Variants in PRKCB observed in about 807,000 individuals in gnomAD.
The protein encoded by PRKCB is protein kinase C beta.
In PRKCB, 13 loss-of-function variants were observed where a neutral mutation model predicts 81.5. That is an observed-to-expected ratio of 0.16 (90% CI 0.10 to 0.25). The LOEUF (loss-of-function observed/expected upper bound fraction) is 0.25. PRKCB is among the 10% of genes least tolerant of loss of function. The pLI is 1.00. For missense variants in PRKCB, 509 were observed against 875.7 expected (o/e 0.58, Z 5.29); for synonymous variants, 335 against 321.4 (o/e 1.04, Z -0.45).
chr16:23,991,871 A>G (rs1201414531), intron 3 of PRKCB, among the ~76,000 whole-genome samples: 4 of 152,210 alleles, frequency 2.6e-5, no homozygotes, highest in Admixed American at 2.6e-4. Context: ...AGAATGGGTT[A>G]TGCTGATTGG....
At chr16:24,113,795 T>G (rs1966706788) in intron 8 of PRKCB, among the ~76,000 whole-genome samples, 2 of 152,128 alleles carry the variant, frequency 1.3e-5, no homozygotes, top group African/African-American at 2.4e-5. Flanking sequence ...TTAAATGCCC[T>G]TGCCTTATGA....
In PRKCB at chr16:23,870,073, C is replaced by G. The variant is rs191172090; in HGVS notation, c.205+32667C>G. Among the ~76,000 whole-genome samples, 69 of 151,382 alleles carry G rather than the reference C, an allele frequency of 4.6e-4. 1 individual carries two copies. The East Asian group carries it at 9.9e-3, about 22-fold the overall frequency. On this transcript the variant is annotated intron_variant, in intron 2 of 16. Coordinates refer to ENST00000643927, the MANE Select transcript of PRKCB (RefSeq NM_002738.7). ...AATATTATGAAGTTCTAGCTAGGTA[C>G]TGTTGGCAGACAAGAATCTGATTTT...
At position 24,161,854 on chromosome 16, in the gene PRKCB, G is replaced by A. The variant is rs533786477; in HGVS notation, c.1239+6997G>A. Among the ~76,000 whole-genome samples the A allele has an allele frequency of 8.5e-5, 13 of 152,292 alleles. No individual in the cohort carries two copies. In the South Asian group the frequency reaches 2.7e-3, roughly 32 times the overall value. ...TAGAGCTGGACTGGAGGTGCACCTT[G>A]CTGCATAGGTACGAAAGAATTATGT... On this transcript the variant is annotated intron_variant, in intron 10 of 16. Transcript: ENST00000643927.
intron 5 of PRKCB, 42 bp from the exon 6 acceptor site, chr16:24,092,749 T>A: frequency 1.3e-6 from 2 of 1,583,150 alleles, no homozygotes; most frequent in East Asian, 4.5e-5. Flanking sequence ...TGCTTAAACA[T>A]GTTGGACAGT....
intron 8 of PRKCB, among the ~76,000 whole-genome samples, chr16:24,122,259 G>C (rs1227608403): frequency 6.6e-6 from 1 of 152,150 alleles, no homozygotes; most frequent in Non-Finnish European, 1.5e-5. Context: ...GGTGCATTCA[G>C]AGAGCAGCAA....
chr16:24,193,463 AT>A (rs1967827115), intron 16 of PRKCB, among the ~76,000 whole-genome samples: 3 of 91,122 alleles, frequency 3.3e-5, no homozygotes, highest in South Asian at 3.4e-4. Context: ...AAATAAATAA[AT>A]AAATAAATAA....
At chr16:24,038,869 G>C (rs1435849767) in intron 5 of PRKCB, among the ~76,000 whole-genome samples, 1 of 152,208 alleles carries the variant, frequency 6.6e-6, no homozygotes, top group Non-Finnish European at 1.5e-5. Flanking sequence ...CTTGAGGCAA[G>C]GGGGCTGTTC....
intron 2 of PRKCB, among the ~76,000 whole-genome samples, chr16:23,973,540 A>G (rs2141805064): frequency 6.6e-6 from 1 of 151,940 alleles, no homozygotes. Context: ...ATGAGTAGGT[A>G]CTCTTTTTAT....
chr16:23,925,527 C>T (rs1244357119), intron 2 of PRKCB, among the ~76,000 whole-genome samples: 1 of 152,082 alleles, frequency 6.6e-6, no homozygotes, highest in African/African-American at 2.4e-5. Context: ...GGACTCCATT[C>T]TTGACATTGT....
intron 2 of PRKCB, among the ~76,000 whole-genome samples, chr16:23,898,136 G>C (rs1210022512): frequency 1.3e-5 from 2 of 151,586 alleles, no homozygotes; most frequent in Admixed American, 1.3e-4. Context: ...TGCGATCTCG[G>C]TTCACTGCAA....
At chr16:24,162,015 T>C (rs1429254061) in intron 10 of PRKCB, among the ~76,000 whole-genome samples, 2 of 151,930 alleles carry the variant, frequency 1.3e-5, no homozygotes, top group South Asian at 2.1e-4. Context: ...TTCTTTTCAA[T>C]TGAACATATG....
intron 16 of PRKCB, among the ~76,000 whole-genome samples, chr16:24,198,842 A>C (rs908693324): frequency 4.6e-5 from 7 of 152,216 alleles, no homozygotes; most frequent in African/African-American, 1.7e-4. Context: ...CCTGATGAGA[A>C]GCAGACGTTA....
At chr16:23,866,509 T>C (rs1381456344) in intron 2 of PRKCB, among the ~76,000 whole-genome samples, 1 of 152,216 alleles carries the variant, frequency 6.6e-6, no homozygotes, top group Admixed American at 6.5e-5. Flanking sequence ...TGTTTGTAAA[T>C]TTGGTGTCTC....
At chr16:23,914,918 T>C (rs535702693) in intron 2 of PRKCB, among the ~76,000 whole-genome samples, 3 of 152,334 alleles carry the variant, frequency 2.0e-5, no homozygotes, top group Non-Finnish European at 1.5e-5. Context: ...GTCAAGCCAG[T>C]CCAAGCCAGA....
At chr16:23,924,705 A>G (rs1233687802) in intron 2 of PRKCB, among the ~76,000 whole-genome samples, 1 of 152,098 alleles carries the variant, frequency 6.6e-6, no homozygotes, top group Non-Finnish European at 1.5e-5. Context: ...GTTAATTCCA[A>G]TATATTGCAT....
intron 10 of PRKCB, among the ~76,000 whole-genome samples, chr16:24,157,720 G>C (rs946019599): frequency 1.3e-5 from 2 of 148,926 alleles, no homozygotes; most frequent in Non-Finnish European, 3.0e-5. Context: ...TCATGAGAGT[G>C]AGTGAATTCT....
chr16:23,841,263 A>G (rs1253441968), intron 2 of PRKCB, among the ~76,000 whole-genome samples: 1 of 151,840 alleles, frequency 6.6e-6, no homozygotes, highest in Non-Finnish European at 1.5e-5. Flanking sequence ...TATTTTTAGT[A>G]GAGATGGGGT....
At chr16:23,857,368 A>C (rs964731568) in intron 2 of PRKCB, among the ~76,000 whole-genome samples, 1 of 152,002 alleles carries the variant, frequency 6.6e-6, no homozygotes, top group African/African-American at 2.4e-5. Context: ...AGAGGGAGGG[A>C]GGAGGAGGTG....
At chr16:24,105,342 G>A (rs1274116199) in intron 7 of PRKCB, among the ~76,000 whole-genome samples, 1 of 152,016 alleles carries the variant, frequency 6.6e-6, no homozygotes, top group East Asian at 1.9e-4. Flanking sequence ...ACAGGCGTGA[G>A]CCACCAAGCC....
Sources: gnomAD v4.1 joint callset for allele counts (sites outside exome capture counted in the v4.1 genomes callset) on GRCh38, gnomAD v4.1.1 for gene constraint, MANE v1.5 for transcripts, NCBI Gene and HGNC (gene_info 2026-07-23, HGNC 2026-07-21) for gene names.